The following TYW1 variants were observed in gnomAD, a reference collection of about 807,000 sequenced individuals.
TYW1 encodes the protein tRNA-yW synthesizing protein 1 homolog, also known as S-adenosyl-L-methionine-dependent tRNA 4-demethylwyosine synthase TYW1.
Under a neutral mutation model 96.2 loss-of-function variants are expected in TYW1, and 46 were observed. The observed-to-expected ratio is 0.48, with a 90% CI of 0.38 to 0.61. The LOEUF (loss-of-function observed/expected upper bound fraction) is 0.61, where lower values mean the gene tolerates loss of function less well. TYW1 is among the 20% of genes least tolerant of loss of function. TYW1 has a pLI of 0.00. For missense variants in TYW1, 684 were observed against 909.6 expected (o/e 0.75, Z 3.19); for synonymous variants, 274 against 323.0 (o/e 0.85, Z 1.63).
chr7:67,076,148 A>C (rs912590048), intron 10 of TYW1, among the ~76,000 whole-genome samples: 9 of 152,096 alleles, frequency 5.9e-5, no homozygotes, highest in Non-Finnish European at 1.0e-4. Context: ...CCTCTTTTGA[A>C]AAGTTCTAAG....
At chr7:67,003,316 C>G (rs1793466907) in intron 3 of TYW1, among the ~76,000 whole-genome samples, 1 of 151,990 alleles carries the variant, frequency 6.6e-6, no homozygotes, top group Non-Finnish European at 1.5e-5. Flanking sequence ...CAACCCATGT[C>G]CAGTCTGTCA....
At chr7:67,051,724 G>GTTTTTTT (rs200899821) in intron 8 of TYW1, among the ~76,000 whole-genome samples, 4 of 118,204 alleles carry the variant, frequency 3.4e-5, no homozygotes, top group East Asian at 3.0e-4. Context: ...GACTGTTTTT[G>GTTTTTTT]TTTTTTTGTT....
chr7:67,043,832 C>G (rs541180232), intron 7 of TYW1, among the ~76,000 whole-genome samples: 44 of 152,204 alleles, frequency 2.9e-4, no homozygotes, highest in Middle Eastern at 3.4e-3. Flanking sequence ...CGCTGCTTTT[C>G]CACCAGTTCA....
intron 10 of TYW1, among the ~76,000 whole-genome samples, chr7:67,079,171 G>GTGTGTGTGTGTGT (rs1554359509): frequency 4.0e-5 from 6 of 148,796 alleles, no homozygotes; most frequent in Non-Finnish European, 8.9e-5. Context: ...TCGTGTGAGA[G>GTGTGTGTGTGTGT]GTGTGTGTGT....
At chr7:67,149,777 T>TATCTATCTCC (rs1798741701) in intron 13 of TYW1, among the ~76,000 whole-genome samples, 1 of 87,342 alleles carries the variant, frequency 1.1e-5, no homozygotes, top group African/African-American at 5.8e-5. Flanking sequence ...TATCTATCTC[T>TATCTATCTCC]CTATGTTAAA....
At chr7:67,211,152 G>A (rs1475248459) in intron 15 of TYW1, among the ~76,000 whole-genome samples, 1 of 39,230 alleles carries the variant, frequency 2.5e-5, no homozygotes, top group Non-Finnish European at 4.6e-5. Flanking sequence ...CATCAACATT[G>A]TGTGTGTGTG....
Position 67,018,122 on chromosome 7 carries a change from A to T in TYW1, c.840A>T (p.Glu280Asp), listed in dbSNP as rs1359891535. 3.1e-6 allele frequency: 5 copies of T among 1,613,970 alleles called. No homozygotes were observed. Among genetic ancestry groups the T allele is most frequent in the Non-Finnish European group, 4.2e-6 (5 of 1,179,968 alleles). The change falls in exon 6 of 16, where the codon GAA (glutamate) becomes GAT (aspartate). Residue 280 changes from glutamate to aspartate, a missense_variant. Glu to Asp is a conservative substitution (Grantham distance 45). Coordinates refer to ENST00000359626, the MANE Select transcript of TYW1 (RefSeq NM_018264.4). ...EREEGSHEQD[E>D]LHHRDTEEEE... is the part of the protein sequence containing the mutation. ...AGGAAGGATCTCATGAGCAGGATGA[A>T]TTGCATCATAGAGACACCGAGGTAT...
intron 15 of TYW1, among the ~76,000 whole-genome samples, chr7:67,212,022 A>G (rs1448960496): frequency 6.6e-6 from 1 of 152,222 alleles, no homozygotes; most frequent in African/African-American, 2.4e-5. Context: ...ATAAAATGCT[A>G]TAGATTTTGA....
chr7:67,037,125 C>T (rs1328615087), intron 7 of TYW1, among the ~76,000 whole-genome samples: 1 of 152,144 alleles, frequency 6.6e-6, no homozygotes, highest in African/African-American at 2.4e-5. Flanking sequence ...GAATTTTGGG[C>T]TGATACCACA....
chr7:67,205,047 T>C (rs1381279040), intron 15 of TYW1, among the ~76,000 whole-genome samples: 1 of 152,224 alleles, frequency 6.6e-6, no homozygotes, highest in Non-Finnish European at 1.5e-5. Context: ...CTTGGTATGA[T>C]AAGTGATTTT....
chr7:67,075,821 A>G (rs1796184525), intron 10 of TYW1, among the ~76,000 whole-genome samples: 2 of 152,236 alleles, frequency 1.3e-5, no homozygotes, highest in Non-Finnish European at 2.9e-5. Flanking sequence ...GCATGTAAAA[A>G]GTGAAGTAGA....
chr7:67,018,499 C>G (rs1240588695), intron 6 of TYW1, among the ~76,000 whole-genome samples: 2 of 151,810 alleles, frequency 1.3e-5, no homozygotes, highest in Non-Finnish European at 2.9e-5. Flanking sequence ...TGTGATCATG[C>G]CACTGCCCTC....
intron 13 of TYW1, among the ~76,000 whole-genome samples, chr7:67,133,749 C>G (rs548347937): frequency 3.9e-4 from 58 of 150,134 alleles, no homozygotes; most frequent in African/African-American, 1.2e-3. Context: ...AGTGGGTGAG[C>G]ATTTTGTTGT....
intron 12 of TYW1, among the ~76,000 whole-genome samples, chr7:67,102,880 AC>A (rs771308008): frequency 9.9e-5 from 15 of 152,150 alleles, no homozygotes; most frequent in Non-Finnish European, 2.2e-4. Context: ...CGATCTCCTG[AC>A]CTCGTAATCC....
At chr7:67,147,211 A>G (rs1417780023) in intron 13 of TYW1, among the ~76,000 whole-genome samples, 1 of 152,232 alleles carries the variant, frequency 6.6e-6, no homozygotes. Context: ...TACAGTGTAA[A>G]GACTACCTAG....
chr7:67,087,772 A>G (rs978818294), intron 11 of TYW1, among the ~76,000 whole-genome samples: 1 of 152,214 alleles, frequency 6.6e-6, no homozygotes. Context: ...AGCAGAAAAC[A>G]GGTGCATGTT....
chr7:67,007,127 G>T (rs1196731622), intron 3 of TYW1, among the ~76,000 whole-genome samples: 1 of 151,954 alleles, frequency 6.6e-6, no homozygotes, highest in African/African-American at 2.4e-5. Flanking sequence ...TTTAGCCTCT[G>T]ATGGGCTGTG....
intron 12 of TYW1, among the ~76,000 whole-genome samples, chr7:67,109,439 G>T (rs556965338): frequency 7.5e-6 from 1 of 133,266 alleles, no homozygotes; most frequent in South Asian, 2.4e-4. Context: ...GATCACAAGC[G>T]ACTGTTTTTT....
intron 13 of TYW1, among the ~76,000 whole-genome samples, chr7:67,138,959 A>G (rs376580694): frequency 0.13 from 19,854 of 150,874 alleles, 1,510 homozygotes; most frequent in Non-Finnish European, 0.18. Context: ...TGTCTCTTCC[A>G]TGTTCGATAT....
Sources: gnomAD v4.1 joint callset for allele counts (sites outside exome capture counted in the v4.1 genomes callset) on GRCh38, gnomAD v4.1.1 for gene constraint, MANE v1.5 for transcripts, NCBI Gene and HGNC (gene_info 2026-07-23, HGNC 2026-07-21) for gene names.